MCFD2: variants seen among roughly 807,000 people sequenced by gnomAD.
MCFD2 encodes the protein multiple coagulation factor deficiency protein 2.
A neutral mutation model predicts 12.8 loss-of-function variants in MCFD2; 11 were observed. The observed-to-expected ratio is 0.86, with a 90% CI of 0.54 to 1.42. The LOEUF is 1.42. MCFD2 is among the 40% of genes most tolerant of loss of function. MCFD2 has a pLI of 0.00. For synonymous variants in MCFD2, 70 were observed against 68.1 expected, an observed-to-expected ratio of 1.03 and a Z score of -0.14; for missense variants, 191 against 178.6, an observed-to-expected ratio of 1.07 and a Z score of -0.40.
chr2:46,909,841 T>C lies in MCFD2; in HGVS notation c.-6-664A>G, dbSNP rs551733238. On this transcript the variant is annotated intron_variant, in intron 1 of 3. Transcript: ENST00000319466. ...TTGCACACTAGGCCAGGGCTTGACA[T>C]CTCCTGCAGAGAAAGACAGGAGAGT... is the stretch of plus-strand genomic sequence containing the variant. Among the ~76,000 whole-genome samples the C allele has an allele frequency of 3.9e-5, 6 of 152,224 alleles. No individual in the cohort carries two copies. The East Asian group carries it at 9.7e-4, about 25-fold the overall frequency.
chr2:46,918,945 T>A (rs1668956385), upstream of MCFD2, among the ~76,000 whole-genome samples: 2 of 152,186 alleles, frequency 1.3e-5, no homozygotes, highest in African/African-American at 4.8e-5. Context: ...AATACCCCAT[T>A]TACTTTGTGT....
intron 1 of MCFD2, among the ~76,000 whole-genome samples, chr2:46,915,302 G>A (rs1471262350): frequency 6.6e-6 from 1 of 152,204 alleles, no homozygotes; most frequent in Non-Finnish European, 1.5e-5. Context: ...CCCAGAGAGG[G>A]AATACAACAG....
At position 46,908,811 on chromosome 2, in the gene MCFD2, A is replaced by G; in HGVS notation, c.149+212T>C. 1 of 636,750 alleles carries G rather than the reference A, an allele frequency of 1.6e-6. No homozygotes were observed. The allele number at this position is 636,750 out of a possible 1,614,324, so 39.4% of individuals were successfully genotyped here. On this transcript the variant is annotated intron_variant, in intron 2 of 3. Transcript: ENST00000319466. This position sits in a 1 kb window ranked among gnomAD's most constrained non-coding sequence, Gnocchi z 4.5. ...CGGATTCAGACAAGTAATGTGCCCC[A>G]TTTGGGCCTAAAGATCTTCCACCTG...
At chr2:46,934,784 G>GAT (rs1553361465) in intron 1 of MCFD2, among the ~76,000 whole-genome samples, 2 of 81,922 alleles carry the variant, frequency 2.4e-5, no homozygotes, top group African/African-American at 4.6e-5. Context: ...GAAGACTACT[G>GAT]CTCTTTTTTT....
intron 1 of MCFD2, among the ~76,000 whole-genome samples, chr2:46,932,056 C>T (rs748549072): frequency 6.6e-6 from 1 of 151,982 alleles, no homozygotes; most frequent in African/African-American, 2.4e-5. Flanking sequence ...CAATTTCAAT[C>T]ATAATGTTTT....
intron 1 of MCFD2, among the ~76,000 whole-genome samples, chr2:46,912,208 G>A (rs187900411): frequency 2.4e-4 from 36 of 152,262 alleles, no homozygotes; most frequent in Admixed American, 8.5e-4. Flanking sequence ...GCATGGTGGC[G>A]TGCACCTGTA....
intron 1 of MCFD2, among the ~76,000 whole-genome samples, chr2:46,929,166 AAAAAG>A (rs1558478445): frequency 6.6e-6 from 1 of 151,230 alleles, no homozygotes; most frequent in Admixed American, 6.6e-5. Context: ...TCTGTCCCAA[AAAAAG>A]AAAACAAAAC....
At chr2:46,930,435 G>GA (rs56691862) in intron 1 of MCFD2, among the ~76,000 whole-genome samples, 2,276 of 120,192 alleles carry the variant, frequency 0.019, 25 homozygotes, top group Non-Finnish European at 0.026. Context: ...GTATTCCTAG[G>GA]AAAAAAAAAA....
At position 46,903,897 on chromosome 2, in the gene MCFD2, G is replaced by C. The variant is rs994235775; in HGVS notation, c.*1566C>G. 2 of 152,136 alleles carry C rather than the reference G, an allele frequency of 1.3e-5. No homozygotes were observed. Among genetic ancestry groups the C allele is most frequent in the African/African-American group, 4.8e-5 (2 of 41,430 alleles). 9.4% of individuals were successfully genotyped at this position (152,136 alleles called of 1,614,324 possible). A position where few individuals can be genotyped will look rare whatever the true frequency, so the allele number is the denominator to read the frequency against. On this transcript the variant is annotated 3_prime_UTR_variant, in exon 4 of 4. Transcript: ENST00000319466. Reference sequence around the variant, plus strand: ...CCAGCTGCAGAAATTTGCATAAGTAGCAAGGAGCCTAATGTTAATCCCCAA... The same window carrying C: ...CCAGCTGCAGAAATTTGCATAAGTACCAAGGAGCCTAATGTTAATCCCCAA...
intron 3 of MCFD2, 99 bp from the exon 4 acceptor site, chr2:46,905,693 ATT>A: frequency 1.6e-6 from 1 of 625,190 alleles, no homozygotes; most frequent in Non-Finnish European, 2.6e-6. Context: ...GGCACTGTTT[ATT>A]AAAAAAAAAA....
At chr2:46,916,943 T>C (rs2103785742), upstream of MCFD2, among the ~76,000 whole-genome samples, 1 of 151,782 alleles carries the variant, frequency 6.6e-6, no homozygotes, top group South Asian at 2.1e-4. Flanking sequence ...GGACGGTCGT[T>C]TTTTTTAAAG....
At chr2:46,932,985 G>C (rs1669792006) in intron 1 of MCFD2, among the ~76,000 whole-genome samples, 1 of 152,034 alleles carries the variant, frequency 6.6e-6, no homozygotes, top group South Asian at 2.1e-4. Flanking sequence ...GACACTCAAG[G>C]CTAGCCTTAG....
At chr2:46,917,863 A>T (rs6729604), upstream of MCFD2, among the ~76,000 whole-genome samples, 19,104 of 151,746 alleles carry the variant, frequency 0.13, 1,741 homozygotes, top group African/African-American at 0.26. Context: ...GACACCACAC[A>T]CTCTGGGTCC....
chr2:46,915,894 C>G (rs970441749), upstream of MCFD2: 7 of 984,688 alleles, frequency 7.1e-6, 1 homozygote, highest in South Asian at 2.8e-4. Context: ...CTCCCGCTGG[C>G]GGCGGCGGGC....
In MCFD2 at chr2:46,907,073, A is replaced by G. The variant is rs1409268260; in HGVS notation, c.309+737T>C. ...TCCAACGAGATCTCTAACCTACTTG[A>G]AAGGGCTTCAGAAACTTTGGAGCAC... On this transcript the variant is annotated intron_variant, in intron 3 of 3. Transcript: ENST00000319466. This position sits in a 1 kb window ranked among gnomAD's most constrained non-coding sequence, Gnocchi z 4.1. 1.3e-5 allele frequency: 2 copies of G among 152,808 alleles called. No homozygotes were observed. The highest frequency in any genetic ancestry group is 4.8e-5 in the African/African-American group (2 of 41,468). The allele number at this position is 152,808 out of a possible 1,614,324, so 9.5% of individuals were successfully genotyped here.
upstream of MCFD2, among the ~76,000 whole-genome samples, chr2:46,920,755 C>G (rs557970265): frequency 6.6e-6 from 1 of 151,986 alleles, no homozygotes; most frequent in South Asian, 2.1e-4. Context: ...ACACTTCCTT[C>G]AAAGGCATTT....
upstream of MCFD2, among the ~76,000 whole-genome samples, chr2:46,916,841 GC>G (rs1668821527): frequency 6.6e-6 from 1 of 151,730 alleles, no homozygotes; most frequent in Non-Finnish European, 1.5e-5. Context: ...CACCGTGTTG[GC>G]CAGGCTGGTC....
chr2:46,941,560 C>T lies in MCFD2; in HGVS notation c.-8+12G>A. 2 of 1,555,822 alleles carry T rather than the reference C, an allele frequency of 1.3e-6. No homozygotes were observed. The highest frequency in any genetic ancestry group is 1.2e-5 in the South Asian group (1 of 84,392). On this transcript the variant is annotated intron_variant, in intron 1 of 2. Coordinates refer to the MCFD2 transcript ENST00000409147. This position sits in a 1 kb window ranked among gnomAD's most constrained non-coding sequence, Gnocchi z 4.2. ...CGAGAAGATGGCTGCGAAGGGCGCGCACGGCTCCTACCTGAAGGTGGAGAG... is the reference window on the plus strand; with the variant it reads ...CGAGAAGATGGCTGCGAAGGGCGCGTACGGCTCCTACCTGAAGGTGGAGAG...
chr2:46,907,925 G>A lies in MCFD2; in HGVS notation c.194C>T (p.Ala65Val), dbSNP rs200415122. 3.5e-5 allele frequency: 56 copies of A among 1,614,124 alleles called. No individual in the cohort carries two copies. The highest frequency in any genetic ancestry group is 4.2e-5 in the Non-Finnish European group (49 of 1,180,026). ...CTGCAATTCTTGTGGCGACATCTCC[G>A]CCTCTGGTTTGTTGATGACACCTTC... ...HLEGVINKPE[A>V]EMSPQELQLH... Residue 65 changes from alanine (A) to valine (V), a missense_variant, in exon 3 of 4, where the codon GCG (alanine) becomes GTG (valine). By Grantham distance (64) the Ala-to-Val change is moderately conservative. Coordinates refer to ENST00000319466, the MANE Select transcript of MCFD2 (RefSeq NM_139279.6). The surrounding 1 kb of genome is among the most constrained non-coding windows in gnomAD (Gnocchi z 4.1).
Sources: allele counts gnomAD v4.1 joint callset (sites outside exome capture counted in the v4.1 genomes callset), GRCh38; gene constraint gnomAD v4.1.1; non-coding constraint Gnocchi (gnomAD v3.1); transcripts MANE v1.5; gene names NCBI Gene and HGNC (gene_info 2026-07-23, HGNC 2026-07-21).